UTP4: variants seen among roughly 807,000 people sequenced by gnomAD.
UTP4 encodes UTP4 small subunit processome component, also known as U3 small nucleolar RNA-associated protein 4 homolog.
UTP4 carries 45 observed loss-of-function variants against 82.4 expected under a neutral mutation model. The observed-to-expected ratio is 0.55, with a 90% CI of 0.43 to 0.70. The LOEUF (loss-of-function observed/expected upper bound fraction) is 0.70, where lower values mean the gene tolerates loss of function less well. Ranked by LOEUF, UTP4 falls within the 30% of genes least tolerant of loss-of-function variation. The pLI, the probability that UTP4 is intolerant of heterozygous loss-of-function variation, is 0.00. For missense variants in UTP4, 819 were observed against 858.3 expected, an observed-to-expected ratio of 0.95 and a Z score of 0.57; for synonymous variants, 348 against 300.3, an observed-to-expected ratio of 1.16 and a Z score of -1.64.
At chr16:69,156,043 T>C (rs770872951) in intron 11 of UTP4, 50 bp downstream of exon 11, 46 of 1,592,730 alleles carry the variant, frequency 2.9e-5, no homozygotes, top group Non-Finnish European at 3.7e-5. Context: ...TTCCTAAATA[T>C]GTCATTTTTG....
intron 16 of UTP4, 32 bp downstream of exon 16, chr16:69,167,217 T>C (rs754825255): frequency 7.1e-7 from 1 of 1,416,438 alleles, no homozygotes; most frequent in South Asian, 1.1e-5. Context: ...TTCTGGATAG[T>C]TGGTTCCTTT....
chr16:69,138,847 C>T (rs1303778920), intron 4 of UTP4, among the ~76,000 whole-genome samples: 6 of 152,094 alleles, frequency 3.9e-5, no homozygotes, highest in African/African-American at 1.2e-4. Flanking sequence ...GCCTGTGGGC[C>T]ACAGTTTGGT....
chr16:69,160,598 CT>C (rs369908672), intron 13 of UTP4, 136 bp downstream of exon 13: 74,520 of 527,516 alleles, frequency 0.14, 25 homozygotes, highest in South Asian at 0.2. Context: ...CTTTTCTTTT[CT>C]TTTTTTTTTT....
At chr16:69,150,971 A>G in intron 8 of UTP4, 67 bp downstream of exon 8, 3 of 1,247,794 alleles carry the variant, frequency 2.4e-6, no homozygotes, top group South Asian at 1.2e-5. Flanking sequence ...CTGTCCCACA[A>G]GCTCTGAACA....
Position 69,167,095 on chromosome 16 carries a change from C to T in UTP4, c.1854C>T (p.Thr618=), listed in dbSNP as rs752872464. Residue 618 remains threonine (T), a synonymous_variant, in exon 16 of 17, where the codon ACC becomes ACT. Coordinates refer to ENST00000314423, the MANE Select transcript of UTP4 (RefSeq NM_032830.3). The part of the protein sequence containing the change: ...DKSLPLPNDK[T]LLYNPFPPTN... Reference sequence around the variant, plus strand: ...TTTAGCCCCTTCCAAATGACAAAACCTTACTCTACAATCCATTTCCTCCCA... The same window carrying T: ...TTTAGCCCCTTCCAAATGACAAAACTTTACTCTACAATCCATTTCCTCCCA... 2 of 1,613,648 alleles carry T rather than the reference C, an allele frequency of 1.2e-6. No individual in the cohort carries two copies. Among genetic ancestry groups the T allele is most frequent in the Non-Finnish European group, 8.5e-7 (1 of 1,179,626 alleles).
chr16:69,162,717 AAAAAAAAAAGAAAAAC>A, intron 13 of UTP4, among the ~76,000 whole-genome samples: 1 of 151,208 alleles, frequency 6.6e-6, no homozygotes, highest in South Asian at 2.1e-4. Flanking sequence ...ATCTCAAAAA[AAAAAAAAAAGAAAAAC>A]AAAAAATTAG....
chr16:69,135,960 C>T (rs767872903), intron 2 of UTP4, among the ~76,000 whole-genome samples: 5 of 152,248 alleles, frequency 3.3e-5, no homozygotes, highest in Non-Finnish European at 2.9e-5. Flanking sequence ...ACCCGGGAGT[C>T]GGAGGTTGCA....
chr16:69,154,252 T>G, intron 9 of UTP4, 141 bp from the exon 10 acceptor site: 23 of 674,438 alleles, frequency 3.4e-5, no homozygotes, highest in East Asian at 5.4e-5. Flanking sequence ...TCAAAAATTG[T>G]GAGCTTACTC....
At chr16:69,156,997 A>C in intron 11 of UTP4, 87 bp from the exon 12 acceptor site, 2 of 1,403,844 alleles carry the variant, frequency 1.4e-6, no homozygotes, top group Non-Finnish European at 2.0e-6. Context: ...AGGAAGCATT[A>C]ATGTACCTTA....
intron 2 of UTP4, 24 bp downstream of exon 2, chr16:69,133,642 T>A: frequency 6.2e-7 from 1 of 1,612,256 alleles, no homozygotes; most frequent in Non-Finnish European, 8.5e-7. Flanking sequence ...GAGTCTGATA[T>A]GGTGTTTTGA....
intron 14 of UTP4, among the ~76,000 whole-genome samples, chr16:69,163,884 G>GT (rs1216606701): frequency 0.019 from 2,434 of 126,188 alleles, 58 homozygotes; most frequent in East Asian, 0.081. Flanking sequence ...TGGTCAGTTT[G>GT]TTTTTTTTTT....
chr16:69,167,216 G>T, intron 16 of UTP4, 31 bp downstream of exon 16: 1 of 1,437,476 alleles, frequency 7.0e-7, no homozygotes, highest in Non-Finnish European at 9.8e-7. Flanking sequence ...ATTCTGGATA[G>T]TTGGTTCCTT....
At chr16:69,146,399 A>G (rs1241573275) in intron 6 of UTP4, among the ~76,000 whole-genome samples, 1 of 152,168 alleles carries the variant, frequency 6.6e-6, no homozygotes, top group African/African-American at 2.4e-5. Flanking sequence ...GTTATTTTGT[A>G]TCTGGCTTAT....
chr16:69,142,451 G>A (rs1482604035), intron 5 of UTP4, among the ~76,000 whole-genome samples: 2 of 152,158 alleles, frequency 1.3e-5, no homozygotes, highest in African/African-American at 2.4e-5. Flanking sequence ...TTCTGCTGAC[G>A]TGCATTTTGG....
intron 4 of UTP4, chr16:69,139,157 C>A (rs1346123532): frequency 6.6e-6 from 1 of 150,768 alleles, no homozygotes; most frequent in Non-Finnish European, 1.5e-5. Flanking sequence ...TTAGTAGAGA[C>A]GGGGTTTCAC....
At chr16:69,163,910 G>C (rs1963630827) in intron 14 of UTP4, among the ~76,000 whole-genome samples, 1 of 134,046 alleles carries the variant, frequency 7.5e-6, no homozygotes, top group South Asian at 2.3e-4. Context: ...TTTTGAGACA[G>C]AGTCTCGCTC....
intron 2 of UTP4, among the ~76,000 whole-genome samples, chr16:69,135,992 G>A (rs1962802294): frequency 6.6e-6 from 1 of 152,216 alleles, no homozygotes; most frequent in African/African-American, 2.4e-5. Flanking sequence ...TGGCGCCATT[G>A]CACTGCAGCC....
At chr16:69,168,558 A>C (rs908409375) in intron 16 of UTP4, among the ~76,000 whole-genome samples, 1 of 151,926 alleles carries the variant, frequency 6.6e-6, no homozygotes, top group African/African-American at 2.4e-5. Flanking sequence ...TCAGGGCTTC[A>C]GTGCACGTTG....
intron 4 of UTP4, among the ~76,000 whole-genome samples, chr16:69,138,652 CAG>C (rs1302114122): frequency 6.6e-6 from 1 of 152,190 alleles, no homozygotes; most frequent in Non-Finnish European, 1.5e-5. Flanking sequence ...CCCTTTAGAA[CAG>C]GGGTTGGCAG....
Sources: allele counts gnomAD v4.1 joint callset (sites outside exome capture counted in the v4.1 genomes callset), GRCh38; gene constraint gnomAD v4.1.1; transcripts MANE v1.5; gene names NCBI Gene and HGNC (gene_info 2026-07-23, HGNC 2026-07-21).